The following ZNF407 variants were observed in gnomAD, a reference collection of about 807,000 sequenced individuals.
The protein encoded by ZNF407 is zinc finger protein 407.
ZNF407 carries 17 observed loss-of-function variants against 131.2 expected under a neutral mutation model. The observed-to-expected ratio is 0.13, with a 90% CI of 0.09 to 0.19. The LOEUF (loss-of-function observed/expected upper bound fraction) is 0.19, where lower values mean the gene tolerates loss of function less well. Ranked by LOEUF, ZNF407 falls within the 10% of genes least tolerant of loss-of-function variation. The pLI is 1.00. For missense variants in ZNF407, 2,681 were observed against 2,830.6 expected (o/e 0.95, Z 1.20); for synonymous variants, 1,156 against 1,062.0 (o/e 1.09, Z -1.72).
chr18:74,994,850 C>CA (rs1417041104), intron 8 of ZNF407, among the ~76,000 whole-genome samples: 2 of 152,118 alleles, frequency 1.3e-5, no homozygotes, highest in African/African-American at 4.8e-5. Context: ...ACTTTGAAGA[C>CA]AGAGTTGAGA....
chr18:75,013,563 G>A (rs1973008820), intron 8 of ZNF407, among the ~76,000 whole-genome samples: 1 of 152,136 alleles, frequency 6.6e-6, no homozygotes, highest in Admixed American at 6.5e-5. Flanking sequence ...TGCCCATGAA[G>A]CAAGGTCAAA....
rs564625540 is a variant in ZNF407 at position 74,738,374 on chromosome 18, C to G, written c.4803-43054C>G. Among the ~76,000 whole-genome samples, 697 of 118,634 alleles carry G rather than the reference C, an allele frequency of 5.9e-3. 29 individuals are homozygous for G. Among genetic ancestry groups the G allele is most frequent in the African/African-American group, 0.024 (649 of 27,008 alleles). The allele number at this position is 118,634 out of a possible 152,430, so 77.8% of individuals were successfully genotyped here. ...GGCGGAGGCTGCAGTGAGCCAAGAT[C>G]GTGGCACTGCACTCCAGCCTGGACG... is the stretch of plus-strand genomic sequence containing the variant. On this transcript the variant is annotated intron_variant, in intron 3 of 8. Coordinates refer to ENST00000299687, the MANE Select transcript of ZNF407 (RefSeq NM_017757.3).
In ZNF407 at chr18:74,784,518, G is replaced by C. The variant is rs1011487204; in HGVS notation, c.4877+3016G>C. Among the ~76,000 whole-genome samples the C allele has an allele frequency of 1.8e-4, 27 of 152,216 alleles. 1 individual carries two copies. The highest frequency in any genetic ancestry group is 2.9e-5 in the Non-Finnish European group (2 of 68,026). On this transcript the variant is annotated intron_variant, in intron 4 of 8. Coordinates refer to ENST00000299687, the MANE Select transcript of ZNF407 (RefSeq NM_017757.3). Reference sequence around the variant, plus strand: ...TTTCAAATATTTTCTTTGAGACTCTGTGAACACCTGAGGTGATGGCTTGTG... The same window carrying C: ...TTTCAAATATTTTCTTTGAGACTCTCTGAACACCTGAGGTGATGGCTTGTG...
intron 2 of ZNF407, among the ~76,000 whole-genome samples, chr18:74,638,692 A>C (rs143496393): frequency 3.9e-5 from 6 of 152,288 alleles, no homozygotes; most frequent in Non-Finnish European, 8.8e-5. Context: ...TTATGGACCA[A>C]ATGAAAACCA....
intron 1 of ZNF407, among the ~76,000 whole-genome samples, chr18:74,628,589 T>C (rs1374495581): frequency 6.6e-6 from 1 of 152,080 alleles, no homozygotes; most frequent in Non-Finnish European, 1.5e-5. Flanking sequence ...TATTTTTATT[T>C]ATTATATTTT....
chr18:75,012,804 G>C (rs1007197796), intron 8 of ZNF407, among the ~76,000 whole-genome samples: 3 of 151,556 alleles, frequency 2.0e-5, no homozygotes. Flanking sequence ...TTCATGAATG[G>C]TTTATTCATT....
intron 8 of ZNF407, among the ~76,000 whole-genome samples, chr18:74,935,777 C>T (rs1972032760): frequency 6.6e-6 from 1 of 152,052 alleles, no homozygotes; most frequent in African/African-American, 2.4e-5. Context: ...CAGGGAGGAG[C>T]TCAGAAGTTG....
At chr18:75,016,791 C>A (rs1973049817) in intron 8 of ZNF407, among the ~76,000 whole-genome samples, 1 of 152,100 alleles carries the variant, frequency 6.6e-6, no homozygotes, top group Non-Finnish European at 1.5e-5. Context: ...ATCCTAGCAT[C>A]TTTTATCCAG....
At chr18:74,794,883 T>C (rs1969890953) in intron 4 of ZNF407, among the ~76,000 whole-genome samples, 14 of 152,152 alleles carry the variant, frequency 9.2e-5, no homozygotes, top group Admixed American at 9.2e-4. Context: ...ACTTAATGTA[T>C]TTATGAAAGT....
intron 8 of ZNF407, among the ~76,000 whole-genome samples, chr18:74,963,599 C>T (rs1972374570): frequency 6.6e-6 from 1 of 152,090 alleles, no homozygotes; most frequent in Non-Finnish European, 1.5e-5. Context: ...GCAAAATCTC[C>T]TCATTTATGC....
At chr18:74,891,572 T>G (rs1383174673) in intron 7 of ZNF407, among the ~76,000 whole-genome samples, 1 of 152,240 alleles carries the variant, frequency 6.6e-6, no homozygotes, top group African/African-American at 2.4e-5. Context: ...TTCATTCATT[T>G]AACATTTTAT....
chr18:74,729,430 G>C (rs1043345125), intron 3 of ZNF407, among the ~76,000 whole-genome samples: 1 of 152,024 alleles, frequency 6.6e-6, no homozygotes, highest in East Asian at 1.9e-4. Flanking sequence ...CTAGAGGAAT[G>C]GTTTACATAG....
intron 3 of ZNF407, among the ~76,000 whole-genome samples, chr18:74,737,438 A>G (rs1968443987): frequency 6.6e-6 from 1 of 152,240 alleles, no homozygotes; most frequent in South Asian, 2.1e-4. Context: ...ACATAATTAC[A>G]CATTTATATG....
chr18:74,644,964 A>G (rs1416596651), intron 3 of ZNF407, among the ~76,000 whole-genome samples: 2 of 151,620 alleles, frequency 1.3e-5, no homozygotes, highest in African/African-American at 4.8e-5. Flanking sequence ...TTTTGCCCAC[A>G]TTTACATTTT....
chr18:74,973,361 G>T (rs1021454440), intron 8 of ZNF407, among the ~76,000 whole-genome samples: 3 of 152,152 alleles, frequency 2.0e-5, no homozygotes, highest in Admixed American at 6.5e-5. Context: ...GAGAACTCAG[G>T]AGGAGACTGT....
At chr18:74,780,057 T>A (rs1969567616) in intron 3 of ZNF407, among the ~76,000 whole-genome samples, 1 of 152,036 alleles carries the variant, frequency 6.6e-6, no homozygotes, top group South Asian at 2.1e-4. Flanking sequence ...ATTATCACAG[T>A]TTTTTTATGT....
intron 3 of ZNF407, among the ~76,000 whole-genome samples, chr18:74,694,296 TC>T (rs1382827669): frequency 6.6e-6 from 1 of 152,226 alleles, no homozygotes; most frequent in African/African-American, 2.4e-5. Context: ...TGTGACCGTT[TC>T]GTGTCTCTTC....
chr18:75,034,989 A>G (rs1196553364), intron 8 of ZNF407, among the ~76,000 whole-genome samples: 1 of 152,220 alleles, frequency 6.6e-6, no homozygotes, highest in African/African-American at 2.4e-5. Context: ...ACATCATTAA[A>G]GTAAGTACAT....
chr18:74,772,131 A>T (rs1969375521), intron 3 of ZNF407, among the ~76,000 whole-genome samples: 1 of 152,174 alleles, frequency 6.6e-6, no homozygotes, highest in Non-Finnish European at 1.5e-5. Context: ...TGAAAAAGTC[A>T]AAGTCACTTA....
Sources: gnomAD v4.1 joint callset for allele counts (sites outside exome capture counted in the v4.1 genomes callset) on GRCh38, gnomAD v4.1.1 for gene constraint, MANE v1.5 for transcripts, NCBI Gene and HGNC (gene_info 2026-07-23, HGNC 2026-07-21) for gene names.